Variants in PLXDC2 observed in about 807,000 individuals in gnomAD.
PLXDC2 encodes plexin domain-containing protein 2.
In PLXDC2, 40 loss-of-function variants were observed where a neutral mutation model predicts 68.9. The ratio of observed to expected loss-of-function variants is 0.58; its 90% CI spans 0.45 to 0.76. The LOEUF is 0.76. Among genes scored for constraint, PLXDC2 ranks in the 30% least tolerant of loss-of-function variants. The probability of loss-of-function intolerance (pLI) is 0.00; values close to 1 mark genes in which losing one functional copy is unlikely to be tolerated. For synonymous variants in PLXDC2, 243 were observed against 234.2 expected (o/e 1.04, Z -0.34); for missense variants, 644 against 661.9 (o/e 0.97, Z 0.30).
chr10:20,238,664 T>A (rs7073942), intron 12 of PLXDC2, among the ~76,000 whole-genome samples: 20,179 of 106,852 alleles, frequency 0.19, 3,953 homozygotes, highest in African/African-American at 0.44. Context: ...TCAAAAAAAA[T>A]ATATATATAT....
intron 1 of PLXDC2, among the ~76,000 whole-genome samples, chr10:19,939,193 G>A (rs1833775971): frequency 6.6e-6 from 1 of 152,168 alleles, no homozygotes; most frequent in Admixed American, 6.5e-5. Context: ...TAACACATCT[G>A]AATGTCCCCT....
intron 3 of PLXDC2, among the ~76,000 whole-genome samples, chr10:20,066,260 G>T (rs1836209469): frequency 6.6e-6 from 1 of 152,170 alleles, no homozygotes; most frequent in Admixed American, 6.5e-5. Flanking sequence ...TCAAGAAAAG[G>T]TCTTTAACTT....
At chr10:20,195,374 C>T (rs1467019104) in intron 9 of PLXDC2, among the ~76,000 whole-genome samples, 1 of 152,064 alleles carries the variant, frequency 6.6e-6, no homozygotes, top group Non-Finnish European at 1.5e-5. Flanking sequence ...AGATCATTTC[C>T]AAGGACCCAA....
At chr10:19,946,640 C>T (rs756740464) in intron 1 of PLXDC2, among the ~76,000 whole-genome samples, 13 of 151,664 alleles carry the variant, frequency 8.6e-5, no homozygotes, top group African/African-American at 2.7e-4. Flanking sequence ...TTTCCGTGGA[C>T]GGGGCGAGGG....
intron 1 of PLXDC2, among the ~76,000 whole-genome samples, chr10:19,964,802 T>A (rs1361971980): frequency 3.3e-5 from 5 of 152,158 alleles, no homozygotes; most frequent in African/African-American, 9.7e-5. Context: ...ACAGGCTCTT[T>A]CCCTGCATTC....
intron 1 of PLXDC2, among the ~76,000 whole-genome samples, chr10:19,967,573 A>G (rs1834284659): frequency 6.6e-6 from 1 of 152,218 alleles, no homozygotes; most frequent in South Asian, 2.1e-4. Context: ...TATAATAATA[A>G]ACATAAGAGG....
intron 9 of PLXDC2, among the ~76,000 whole-genome samples, chr10:20,188,178 GC>G (rs1834712135): frequency 6.6e-6 from 1 of 151,344 alleles, no homozygotes; most frequent in Non-Finnish European, 1.5e-5. Context: ...AAAGTTAATT[GC>G]CCAAAAATAG....
chr10:20,004,529 G>A (rs528814384), intron 2 of PLXDC2, among the ~76,000 whole-genome samples: 4 of 152,222 alleles, frequency 2.6e-5, no homozygotes, highest in East Asian at 3.9e-4. Context: ...ACTAGGACTC[G>A]ATGGATATTG....
At chr10:20,257,574 T>C (rs1835757827) in intron 13 of PLXDC2, among the ~76,000 whole-genome samples, 1 of 152,222 alleles carries the variant, frequency 6.6e-6, no homozygotes, top group Non-Finnish European at 1.5e-5. Context: ...TTGGGTAATG[T>C]CTCAGATTTC....
At chr10:20,041,592 T>G (rs190602007) in intron 2 of PLXDC2, among the ~76,000 whole-genome samples, 1 of 152,308 alleles carries the variant, frequency 6.6e-6, no homozygotes, top group Admixed American at 6.5e-5. Flanking sequence ...CTTTAATTGT[T>G]TTCTACAACA....
intron 4 of PLXDC2, among the ~76,000 whole-genome samples, chr10:20,118,297 C>A (rs1259473726): frequency 6.6e-6 from 1 of 152,144 alleles, no homozygotes; most frequent in African/African-American, 2.4e-5. Context: ...TATGAATATG[C>A]AACCAGGTCA....
chr10:19,898,362 A>G (rs922372171), intron 1 of PLXDC2, among the ~76,000 whole-genome samples: 1 of 152,236 alleles, frequency 6.6e-6, no homozygotes, highest in Non-Finnish European at 1.5e-5. Context: ...TTGGTTATAT[A>G]TAGGTAAATT....
At chr10:19,880,091 C>A (rs1837700694) in intron 1 of PLXDC2, among the ~76,000 whole-genome samples, 1 of 152,110 alleles carries the variant, frequency 6.6e-6, no homozygotes, top group Non-Finnish European at 1.5e-5. Context: ...ATAATCAGTC[C>A]TTTAATGCTT....
chr10:20,282,192 A>G lies in PLXDC2; in HGVS notation c.*2373A>G, dbSNP rs887418234. On this transcript the variant is annotated 3_prime_UTR_variant, in exon 14 of 14. Transcript: ENST00000377252. ...GAGTGTGGGAAAACTTCTTAACAGA[A>G]CTAAGAGTTAAAGGTAGTGAGAAGT... is the stretch of plus-strand genomic sequence containing the variant. 9.2e-5 allele frequency: 14 copies of G among 152,146 alleles called. No homozygotes were observed. The highest frequency in any genetic ancestry group is 1.7e-4 in the African/African-American group (7 of 41,438). 9.4% of individuals were successfully genotyped at this position (152,146 alleles called of 1,614,324 possible).
intron 2 of PLXDC2, among the ~76,000 whole-genome samples, chr10:20,019,363 T>C (rs1229331564): frequency 1.3e-5 from 2 of 152,132 alleles, no homozygotes; most frequent in African/African-American, 4.8e-5. Flanking sequence ...GACCCACATC[T>C]TCTATTTGTA....
intron 1 of PLXDC2, among the ~76,000 whole-genome samples, chr10:19,962,446 A>G (rs1834172908): frequency 8.2e-6 from 1 of 121,926 alleles, no homozygotes; most frequent in Non-Finnish European, 1.6e-5. Context: ...GCTGCAGTGC[A>G]GTGGCACGAT....
intron 1 of PLXDC2, among the ~76,000 whole-genome samples, chr10:19,930,472 A>T (rs985379848): frequency 1.7e-4 from 26 of 152,278 alleles, no homozygotes; most frequent in African/African-American, 6.3e-4. Flanking sequence ...AATGAAATGC[A>T]ATGAAGCTGA....
At chr10:20,199,559 A>G (rs1834889441) in intron 9 of PLXDC2, among the ~76,000 whole-genome samples, 1 of 152,034 alleles carries the variant, frequency 6.6e-6, no homozygotes. Flanking sequence ...AAGCTTCTTA[A>G]CATTAGCAAA....
intron 2 of PLXDC2, 147 bp downstream of exon 2, chr10:20,002,133 A>G (rs1214085027): frequency 2.5e-6 from 2 of 804,460 alleles, no homozygotes; most frequent in East Asian, 5.3e-5. Context: ...GTTAATAAAT[A>G]TAATAACTAA....
Sources: allele counts gnomAD v4.1 joint callset (sites outside exome capture counted in the v4.1 genomes callset), GRCh38; gene constraint gnomAD v4.1.1; transcripts MANE v1.5; gene names NCBI Gene and HGNC (gene_info 2026-07-23, HGNC 2026-07-21).